GOLGA8B: variants seen among roughly 807,000 people sequenced by gnomAD.
The protein encoded by GOLGA8B is golgin A8 family member B.
Under a neutral mutation model 15.6 loss-of-function variants are expected in GOLGA8B, and 1 was observed. That is an observed-to-expected ratio of 0.06 (90% CI 0.02 to 0.30). The LOEUF (loss-of-function observed/expected upper bound fraction) is 0.30, where lower values mean the gene tolerates loss of function less well. Ranked by LOEUF, GOLGA8B falls within the 10% of genes least tolerant of loss-of-function variation. The pLI, the probability that GOLGA8B is intolerant of heterozygous loss-of-function variation, is 1.00. For missense variants in GOLGA8B, 17 were observed against 201.3 expected (o/e 0.08, Z 5.54); for synonymous variants, 9 against 80.3 (o/e 0.11, Z 4.75).
intron 1 of GOLGA8B, among the ~76,000 whole-genome samples, chr15:34,567,072 C>T (rs1463579998): frequency 8.3e-6 from 1 of 120,668 alleles, no homozygotes; most frequent in Non-Finnish European, 1.8e-5. Flanking sequence ...GGAGTCACAT[C>T]TCTGATGGGA....
chr15:34,579,508 C>A (rs1033735489), intron 1 of GOLGA8B, among the ~76,000 whole-genome samples: 5 of 152,204 alleles, frequency 3.3e-5, no homozygotes, highest in Admixed American at 6.5e-5. Context: ...AGAACCCAAA[C>A]AACTGAAAAT....
At position 34,526,854 on chromosome 15, in the gene GOLGA8B, A is replaced by G. The variant is rs1888067492; in HGVS notation, c.*778T>C. On this transcript the variant is annotated 3_prime_UTR_variant, in exon 24 of 24. Transcript: ENST00000683415. The stretch of plus-strand genomic sequence containing the variant: ...AAAAAGAGTGCAACTGCTGCAGCTC[A>G]CGATGCAATATCTTCATGAGCCCAG... 1 of 149,602 alleles carries G rather than the reference A, an allele frequency of 6.7e-6. No homozygotes were observed. The highest frequency in any genetic ancestry group is 6.8e-5 in the Admixed American group (1 of 14,726). 9.3% of individuals were successfully genotyped at this position (149,602 alleles called of 1,614,324 possible).
chr15:34,581,017 G>C (rs1889213779), intron 1 of GOLGA8B, among the ~76,000 whole-genome samples: 1 of 152,220 alleles, frequency 6.6e-6, no homozygotes, highest in Admixed American at 6.5e-5. Flanking sequence ...GTTTCTCTAA[G>C]GACCAGGCTG....
chr15:34,580,485 G>A (rs1445970743), intron 1 of GOLGA8B, among the ~76,000 whole-genome samples: 5 of 43,232 alleles, frequency 1.2e-4, no homozygotes, highest in African/African-American at 3.3e-4. Context: ...CAGTACGCAG[G>A]GTTCCAGAGA....
intron 1 of GOLGA8B, among the ~76,000 whole-genome samples, chr15:34,568,926 C>T (rs1367320957): frequency 1.1e-4 from 16 of 146,968 alleles, no homozygotes; most frequent in Non-Finnish European, 1.6e-4. Context: ...TGTGTACGCT[C>T]GCGCTCGTGC....
chr15:34,582,832 C>G (rs1595714866), intron 1 of GOLGA8B: 1 of 152,256 alleles, frequency 6.6e-6, no homozygotes, highest in South Asian at 2.1e-4. Context: ...GGCCAGATCT[C>G]CCTCCAGCAG....
intron 1 of GOLGA8B, among the ~76,000 whole-genome samples, chr15:34,573,457 A>G (rs1306900941): frequency 6.6e-6 from 1 of 150,914 alleles, no homozygotes; most frequent in East Asian, 2.0e-4. Flanking sequence ...GAATGGCGTG[A>G]ACCCAGGAGG....
At chr15:34,578,940 C>T (rs186252937) in intron 1 of GOLGA8B, among the ~76,000 whole-genome samples, 4 of 152,180 alleles carry the variant, frequency 2.6e-5, no homozygotes, top group East Asian at 1.9e-4. Context: ...CTCACTAGGC[C>T]GTAGCTGTAA....
intron 1 of GOLGA8B, among the ~76,000 whole-genome samples, chr15:34,583,212 G>A (rs551865652): frequency 6.6e-6 from 1 of 151,914 alleles, no homozygotes; most frequent in Non-Finnish European, 1.5e-5. Flanking sequence ...CCCGCGCCGA[G>A]AGTGGCCCCT....
chr15:34,574,957 T>TCGAGGC (rs925315968), intron 1 of GOLGA8B: 1 of 152,090 alleles, frequency 6.6e-6, no homozygotes, highest in African/African-American at 2.4e-5. Flanking sequence ...CCCTGGCCTA[T>TCGAGGC]CGAGGCCGTG....
intron 1 of GOLGA8B, among the ~76,000 whole-genome samples, chr15:34,571,691 T>TA (rs755240637): frequency 6.0e-5 from 9 of 151,176 alleles, no homozygotes; most frequent in Non-Finnish European, 8.8e-5. Flanking sequence ...GATGTAAATG[T>TA]AAAAAAATCG....
intron 1 of GOLGA8B, among the ~76,000 whole-genome samples, chr15:34,563,845 AAC>A (rs1224314933): frequency 6.9e-6 from 1 of 144,090 alleles, no homozygotes; most frequent in Non-Finnish European, 1.6e-5. Flanking sequence ...TCCTATAATA[AAC>A]ACTGTTAGAA....
intron 1 of GOLGA8B, among the ~76,000 whole-genome samples, chr15:34,570,045 C>T (rs1358636798): frequency 6.6e-6 from 1 of 152,236 alleles, no homozygotes; most frequent in Non-Finnish European, 1.5e-5. Context: ...GGCCCCACCA[C>T]CTGCTTTGAG....
At position 34,526,851 on chromosome 15, in the gene GOLGA8B, C is replaced by G. The variant is rs1326568783; in HGVS notation, c.*781G>C. The G allele has an allele frequency of 6.7e-6, 1 of 149,524 alleles. No individual in the cohort carries two copies. Among genetic ancestry groups the G allele is most frequent in the African/African-American group, 2.5e-5 (1 of 40,416 alleles). 9.3% of individuals were successfully genotyped at this position (149,524 alleles called of 1,614,324 possible). On this transcript the variant is annotated 3_prime_UTR_variant, in exon 24 of 24. Coordinates refer to ENST00000683415, the MANE Select transcript of GOLGA8B (RefSeq NM_001023567.5). ...CTGAAAAAGAGTGCAACTGCTGCAG[C>G]TCACGATGCAATATCTTCATGAGCC... is the stretch of plus-strand genomic sequence containing the variant.
Position 34,526,580 on chromosome 15 carries a change from C to T in GOLGA8B, c.*1052G>A, listed in dbSNP as rs1477434940. 2 of 148,796 alleles carry T rather than the reference C, an allele frequency of 1.3e-5. No individual in the cohort carries two copies. The highest frequency in any genetic ancestry group is 3.0e-5 in the Non-Finnish European group (2 of 67,112). 9.2% of individuals were successfully genotyped at this position (148,796 alleles called of 1,614,324 possible). ...TTCATTCTTGACTAGAGCCTGTATG[C>T]CTGTTTCAGAGACATTTAAACTCTT... On this transcript the variant is annotated 3_prime_UTR_variant, in exon 24 of 24. Coordinates refer to ENST00000683415, the MANE Select transcript of GOLGA8B (RefSeq NM_001023567.5).
intron 1 of GOLGA8B, among the ~76,000 whole-genome samples, chr15:34,570,098 G>A (rs1419438325): frequency 2.6e-5 from 4 of 152,182 alleles, no homozygotes; most frequent in Admixed American, 2.6e-4. Context: ...CCCCTCATCT[G>A]CCTGTGCAAC....
At chr15:34,574,826 C>A (rs34532217) in intron 1 of GOLGA8B, 557 of 141,702 alleles carry the variant, frequency 3.9e-3, no homozygotes, top group South Asian at 0.018. Context: ...GCAACTTACC[C>A]ATAAAACAGG....
chr15:34,563,753 T>G (rs1236454628), intron 1 of GOLGA8B, among the ~76,000 whole-genome samples: 1 of 150,404 alleles, frequency 6.6e-6, no homozygotes, highest in East Asian at 1.9e-4. Context: ...TTGTTTTTCA[T>G]GATTGTGCCT....
intron 1 of GOLGA8B, among the ~76,000 whole-genome samples, chr15:34,570,083 C>T (rs1452744965): frequency 6.6e-6 from 1 of 152,220 alleles, no homozygotes; most frequent in Non-Finnish European, 1.5e-5. Flanking sequence ...ACCCTCTTCT[C>T]CCTACCCCTC....
Sources: allele counts gnomAD v4.1 joint callset (sites outside exome capture counted in the v4.1 genomes callset), GRCh38; gene constraint gnomAD v4.1.1; transcripts MANE v1.5; gene names NCBI Gene and HGNC (gene_info 2026-07-23, HGNC 2026-07-21).